Variants in RPLP0 observed in about 807,000 individuals in gnomAD.
The protein encoded by RPLP0 is large ribosomal subunit protein uL10.
For synonymous variants in RPLP0, 137 were observed against 153.4 expected (o/e 0.89, Z 0.79); for missense variants, 276 against 402.9 (o/e 0.69, Z 2.70).
chr12:120,197,079 T>G, intron 7 of RPLP0, 145 bp from the exon 8 acceptor site: 5 of 1,391,010 alleles, frequency 3.6e-6, no homozygotes, highest in Non-Finnish European at 5.0e-6. Context: ...GCAGGACAGC[T>G]TGGGTATGGC....
Position 120,199,410 on chromosome 12 carries a change from G to A in RPLP0, c.130C>T (p.Arg44Cys), listed in dbSNP as rs1566328220. 1 of 1,614,066 alleles carries A rather than the reference G, an allele frequency of 6.2e-7. No homozygotes were observed. Among genetic ancestry groups the A allele is most frequent in the Non-Finnish European group, 8.5e-7 (1 of 1,180,026 alleles). ...NVGSKQMQQI[R>C]MSLRGKAVVL... ...ACAGCCTTCCCGCGAAGGGACATGC[G>A]GATCTGCTGCATCTGCTTGGAGCCC... Residue 44 changes from arginine (R) to cysteine (C), a missense_variant, in exon 3 of 8, where the codon CGC becomes TGC. Physicochemically the swap from Arg to Cys is radical, Grantham distance 180. Transcript: ENST00000392514.
At position 120,199,098 on chromosome 12, in the gene RPLP0, C is replaced by T. The variant is rs77421566; in HGVS notation, c.318+20G>A. ...GGAGCAACAACAAAGTCTCTTTAGC[C>T]AACCCAATTGTCCCCTTACCTTATT... On this transcript the variant is annotated intron_variant, in intron 4 of 7. Coordinates refer to ENST00000392514, the MANE Select transcript of RPLP0 (RefSeq NM_001002.4). 1,765 of 1,611,386 alleles carry T rather than the reference C, an allele frequency of 1.1e-3. 18 individuals are homozygous for T. The African/African-American group carries it at 0.021, about 19-fold the overall frequency.
chr12:120,197,090 C>T, intron 7 of RPLP0, 156 bp from the exon 8 acceptor site: 2 of 1,299,938 alleles, frequency 1.5e-6, no homozygotes, highest in South Asian at 2.8e-5. Flanking sequence ...TGGGTATGGC[C>T]TAGTGAGGCA....
Position 120,200,759 on chromosome 12 carries a change from A to C in RPLP0, c.25T>G (p.Trp9Gly). MPREDRAT[W>G]KSNYFLKIIQ... is the part of the protein sequence containing the mutation. ...ATCTTAAGGAAGTAGTTGGACTTCCAGGTCGCCCTGTCTTCCCTGGGCATC... is the reference window on the plus strand; with the variant it reads ...ATCTTAAGGAAGTAGTTGGACTTCCCGGTCGCCCTGTCTTCCCTGGGCATC... The change falls in exon 2 of 8, where the codon TGG becomes GGG. Residue 9 changes from tryptophan (W) to glycine (G), a missense_variant. Trp to Gly is a radical substitution (Grantham distance 184). Coordinates refer to ENST00000392514, the MANE Select transcript of RPLP0 (RefSeq NM_001002.4). The C allele has an allele frequency of 6.2e-7, 1 of 1,611,510 alleles. No homozygotes were observed. Among genetic ancestry groups the C allele is most frequent in the South Asian group, 1.1e-5 (1 of 90,612 alleles).
At chr12:120,199,958 G>A (rs541360980) in intron 2 of RPLP0, 85 of 447,744 alleles carry the variant, frequency 1.9e-4, no homozygotes, top group Non-Finnish European at 3.7e-4. Flanking sequence ...TTCTAAGTGT[G>A]GGAAAATGTA....
intron 2 of RPLP0, 138 bp from the exon 3 acceptor site, chr12:120,199,623 C>T (rs764298265): frequency 5.8e-6 from 5 of 867,852 alleles, no homozygotes; most frequent in Non-Finnish European, 8.7e-6. Context: ...AGATTGGGAG[C>T]TACGTTGTAA....
chr12:120,199,866 C>A, intron 2 of RPLP0: 1 of 366,234 alleles, frequency 2.7e-6, no homozygotes. Flanking sequence ...GCAAATATAG[C>A]AACATTATTA....
At chr12:120,200,231 G>A (rs773332849) in intron 2 of RPLP0, 11 of 389,586 alleles carry the variant, frequency 2.8e-5, no homozygotes, top group Non-Finnish European at 4.6e-5. Flanking sequence ...TAGGGAGGCC[G>A]AGGAAGGTGG....
chr12:120,199,425 G>C lies in RPLP0; in HGVS notation c.115C>G (p.Gln39Glu). ...AGGGACATGCGGATCTGCTGCATCT[G>C]CTTGGAGCCCACATTGTCTGCTCCC... ...IVGADNVGSKQMQQIRMSLRG... is the reference protein window; with the variant it reads ...IVGADNVGSKEMQQIRMSLRG... The change falls in exon 3 of 8, where the codon CAG becomes GAG. Residue 39 changes from glutamine to glutamate, a missense_variant. Coordinates refer to ENST00000392514, the MANE Select transcript of RPLP0 (RefSeq NM_001002.4). 6.2e-7 allele frequency: 1 copy of C among 1,614,100 alleles called. No individual in the cohort carries two copies. The highest frequency in any genetic ancestry group is 8.5e-7 in the Non-Finnish European group (1 of 1,180,032).
chr12:120,199,275 T>G (rs1042161995), intron 3 of RPLP0, 35 bp downstream of exon 3: 8 of 1,613,812 alleles, frequency 5.0e-6, no homozygotes, highest in Non-Finnish European at 4.2e-6. Flanking sequence ...AGACGGGCAC[T>G]GGGGAGAAAG....
Position 120,201,099 on chromosome 12 carries a change from T to C in RPLP0, c.-65A>G, listed in dbSNP as rs771590708. ...CACACGAACCTTCCACGAGGACGCC[T>C]GGCGAGAGAAGGGCCTCGCGCCCGC... is the stretch of plus-strand genomic sequence containing the variant. On this transcript the variant is annotated 5_prime_UTR_variant, in exon 1 of 8. Transcript: ENST00000392514. The C allele has an allele frequency of 2.8e-5, 10 of 358,928 alleles. No homozygotes were observed. Among genetic ancestry groups the C allele is most frequent in the Non-Finnish European group, 4.0e-5 (8 of 198,224 alleles). The allele number at this position is 358,928 out of a possible 1,614,324, so 22.2% of individuals were successfully genotyped here. A position where few individuals can be genotyped will look rare whatever the true frequency, so the allele number is the denominator to read the frequency against.
At chr12:120,199,619 G>A (rs1371905876) in intron 2 of RPLP0, 134 bp from the exon 3 acceptor site, 1 of 901,024 alleles carries the variant, frequency 1.1e-6, no homozygotes, top group Non-Finnish European at 1.7e-6. Flanking sequence ...AGGGAGATTG[G>A]GAGCTACGTT....
At position 120,200,837 on chromosome 12, in the gene RPLP0, G is replaced by A. The variant is rs960177230; in HGVS notation, c.-48-6C>T. ...AGGGTTTAAAGACGATGTCACTGAGGAGAGACAGGGAGCTCAGGCCTGGTC... is the reference window on the plus strand; with the variant it reads ...AGGGTTTAAAGACGATGTCACTGAGAAGAGACAGGGAGCTCAGGCCTGGTC... On this transcript the variant is annotated splice_polypyrimidine_tract_variant and splice_region_variant and intron_variant, in intron 1 of 7. Transcript: ENST00000392514. 23 of 1,589,982 alleles carry A rather than the reference G, an allele frequency of 1.4e-5. No individual in the cohort carries two copies. Among genetic ancestry groups the A allele is most frequent in the Non-Finnish European group, 1.6e-5 (19 of 1,169,096 alleles).
chr12:120,201,043 C>T, intron 1 of RPLP0, 40 bp downstream of exon 1: 1 of 462,354 alleles, frequency 2.2e-6, no homozygotes, highest in Non-Finnish European at 3.7e-6. Context: ...CCATGCTTCC[C>T]GCCGGCGACC....
chr12:120,199,154 G>T lies in RPLP0; in HGVS notation c.282C>A (p.Asp94Glu), dbSNP rs751756929. 3 of 1,613,956 alleles carry T rather than the reference G, an allele frequency of 1.9e-6. No individual in the cohort carries two copies. Among genetic ancestry groups the T allele is most frequent in the East Asian group, 2.2e-5 (1 of 44,882 alleles). ...GCAACATGTCCCTGATCTCAGTGAG[G>T]TCCTCCTTGGTGAACACAAAGCCCA... ...GNVGFVFTKE[D>E]LTEIRDMLLA... The change falls in exon 4 of 8, where the codon GAC (aspartate) becomes GAA (glutamate). Residue 94 changes from aspartate (D) to glutamate (E), a missense_variant. Transcript: ENST00000392514.
intron 2 of RPLP0, chr12:120,200,256 A>T: frequency 2.7e-6 from 1 of 373,768 alleles, no homozygotes; most frequent in South Asian, 2.0e-5. Flanking sequence ...TGAAGTCAAG[A>T]GATCGAGACC....
At chr12:120,200,596 T>C (rs1302185113) in intron 2 of RPLP0, 134 bp downstream of exon 2, 17 of 953,872 alleles carry the variant, frequency 1.8e-5, no homozygotes, top group Non-Finnish European at 2.5e-5. Flanking sequence ...AGGAAATTGT[T>C]AACTAAACAG....
At chr12:120,199,784 T>C in intron 2 of RPLP0, 1 of 377,388 alleles carries the variant, frequency 2.6e-6, no homozygotes, top group Non-Finnish European at 5.0e-6. Context: ...GTTAACAGGA[T>C]AAAAAAGGAA....
Position 120,198,686 on chromosome 12 carries a change from C to T in RPLP0, c.519G>A (p.Thr173=), listed in dbSNP as rs1340686792. ...GGGAGATGTTGAGCATGTTCAGCAG[C>T]GTGGCTTCGCTGGCTCCCACTTTGT... The part of the protein sequence containing the change: ...TGDKVGASEA[T]LLNMLNISPF... The change falls in exon 6 of 8, where the codon ACG becomes ACA. Residue 173 remains threonine, a synonymous_variant. Coordinates refer to ENST00000392514, the MANE Select transcript of RPLP0 (RefSeq NM_001002.4). The surrounding 1 kb of genome is among the most constrained non-coding windows in gnomAD (Gnocchi z 4.1). The T allele has an allele frequency of 3.7e-6, 6 of 1,614,080 alleles. No homozygotes were observed. Among genetic ancestry groups the T allele is most frequent in the Middle Eastern group, 1.7e-4 (1 of 6,040 alleles).
Sources: gnomAD v4.1 joint callset for allele counts on GRCh38, gnomAD v4.1.1 for gene constraint, Gnocchi (gnomAD v3.1) non-coding constraint, MANE v1.5 for transcripts, NCBI Gene and HGNC (gene_info 2026-07-23, HGNC 2026-07-21) for gene names.